The following AIRIM variants were observed in gnomAD, a reference collection of about 807,000 sequenced individuals.
AIRIM encodes the protein AFG2 interacting ribosome maturation factor.
chr1:37,687,515 C>A, the AIRIM span, among the ~76,000 whole-genome samples: 1 of 150,170 alleles, frequency 6.7e-6, no homozygotes, highest in African/African-American at 2.4e-5. Flanking sequence ...TTTGGGAGGG[C>A]AAGGCCAGAG....
the AIRIM span, chr1:37,690,098 C>T: frequency 1.5e-6 from 2 of 1,331,504 alleles, no homozygotes; most frequent in Admixed American, 2.9e-5. Flanking sequence ...CTCACTGCAA[C>T]CTCCGCATCC....
the AIRIM span, among the ~76,000 whole-genome samples, chr1:37,687,118 T>A: frequency 2.7e-5 from 4 of 149,650 alleles, no homozygotes; most frequent in African/African-American, 1.0e-4. Context: ...GTGTATAGTT[T>A]TTGTTTTTGT....
the AIRIM span, chr1:37,690,420 G>A: frequency 1.6e-6 from 2 of 1,262,824 alleles, no homozygotes; most frequent in South Asian, 2.6e-5. Context: ...TCCCCTGCCC[G>A]AGGCTGCCGG....
the AIRIM span, chr1:37,690,293 C>T: frequency 7.7e-7 from 1 of 1,291,572 alleles, no homozygotes; most frequent in African/African-American, 1.5e-5. Context: ...CCTGCCTCAG[C>T]TTTCTGAAGG....
chr1:37,690,334 C>T, the AIRIM span: 1 of 1,290,344 alleles, frequency 7.7e-7, no homozygotes, highest in Non-Finnish European at 1.0e-6. Context: ...GAAGGGTAAC[C>T]TGGATAGGGC....
chr1:37,689,469 GAA>G, the AIRIM span: 7 of 1,048,792 alleles, frequency 6.7e-6, no homozygotes, highest in Admixed American at 2.7e-5. Flanking sequence ...TGCCCCAGAT[GAA>G]GTAAGGAAGG....
At chr1:37,689,949 G>A in the AIRIM span, 2 of 1,479,458 alleles carry the variant, frequency 1.4e-6, no homozygotes, top group Non-Finnish European at 1.8e-6. Context: ...GGAGGCACTG[G>A]GTCGAGGGTG....
chr1:37,690,288 C>T, the AIRIM span: 1 of 1,291,810 alleles, frequency 7.7e-7, no homozygotes, highest in Non-Finnish European at 1.0e-6. Flanking sequence ...CCCGGCCTGC[C>T]TCAGCTTTCT....
the AIRIM span, chr1:37,682,970 C>T: frequency 5.3e-6 from 4 of 751,826 alleles, no homozygotes; most frequent in Non-Finnish European, 8.8e-6. Context: ...GACATCTAGG[C>T]GCTAATCCTC....
chr1:37,690,499 T>A, the AIRIM span: 1 of 1,205,666 alleles, frequency 8.3e-7, no homozygotes, highest in Non-Finnish European at 1.1e-6. Context: ...CTCCAGGGAC[T>A]GCACCACGCG....
the AIRIM span, among the ~76,000 whole-genome samples, chr1:37,684,800 G>A: frequency 6.6e-6 from 1 of 152,092 alleles, no homozygotes; most frequent in Non-Finnish European, 1.5e-5. Flanking sequence ...GAAAAGTTGG[G>A]GTTTGGGAAT....
chr1:37,686,093 G>C, the AIRIM span, among the ~76,000 whole-genome samples: 5 of 152,096 alleles, frequency 3.3e-5, no homozygotes, highest in East Asian at 7.7e-4. Context: ...GTGCCTGACA[G>C]GTAGTAGCTA....
the AIRIM span, chr1:37,690,485 A>T: frequency 8.0e-7 from 1 of 1,244,662 alleles, no homozygotes; most frequent in Non-Finnish European, 1.0e-6. Flanking sequence ...AAAGCGTGAG[A>T]ACCCTCCAGG....
At chr1:37,689,297 C>T in the AIRIM span, among the ~76,000 whole-genome samples, 2 of 152,216 alleles carry the variant, frequency 1.3e-5, no homozygotes, top group Non-Finnish European at 2.9e-5. Flanking sequence ...GTTTACACAG[C>T]TCCTCACTGC....
chr1:37,688,151 G>A, the AIRIM span, among the ~76,000 whole-genome samples: 5 of 152,120 alleles, frequency 3.3e-5, no homozygotes, highest in Non-Finnish European at 5.9e-5. Flanking sequence ...CTGCCTCCCA[G>A]GTCCAAGAGA....
At chr1:37,687,118 T>G in the AIRIM span, among the ~76,000 whole-genome samples, 1 of 149,652 alleles carries the variant, frequency 6.7e-6, no homozygotes, top group Non-Finnish European at 1.5e-5. Context: ...GTGTATAGTT[T>G]TTGTTTTTGT....
the AIRIM span, among the ~76,000 whole-genome samples, chr1:37,685,383 T>C: frequency 1.3e-5 from 1 of 78,082 alleles, no homozygotes; most frequent in African/African-American, 5.4e-5. Flanking sequence ...CCCAAAATTC[T>C]TTTTTTTTTT....
chr1:37,690,556 T>C, the AIRIM span: 4 of 1,086,882 alleles, frequency 3.7e-6, no homozygotes, highest in African/African-American at 6.6e-5. Flanking sequence ...CCCACAAAGC[T>C]ACTCCGCGGG....
At chr1:37,681,909 A>G in the AIRIM span, 1 of 152,246 alleles carries the variant, frequency 6.6e-6, no homozygotes, top group Non-Finnish European at 1.5e-5. Context: ...TGTATCGATG[A>G]TAGCACGTTT....
Sources: allele counts gnomAD v4.1 joint callset (sites outside exome capture counted in the v4.1 genomes callset), GRCh38; gene constraint gnomAD v4.1.1; transcripts MANE v1.5; gene names NCBI Gene and HGNC (gene_info 2026-07-23, HGNC 2026-07-21).